Variants in ALMS1 observed in about 807,000 individuals in gnomAD.
ALMS1 encodes the protein centrosome-associated protein ALMS1.
In ALMS1, 271 loss-of-function variants were observed where a neutral mutation model predicts 352.2. That is an observed-to-expected ratio of 0.77 (90% CI 0.70 to 0.85). ALMS1 has a LOEUF of 0.85. Among genes scored for constraint, ALMS1 ranks in the 40% least tolerant of loss-of-function variants. ALMS1 has a pLI of 0.00. For synonymous variants in ALMS1, 1,865 were observed against 1,761.2 expected, an observed-to-expected ratio of 1.06 and a Z score of -1.48; for missense variants, 5,445 against 4,870.7, an observed-to-expected ratio of 1.12 and a Z score of -3.51.
Position 73,419,150 on chromosome 2 carries a change from C to T in ALMS1, c.478C>T (p.Gln160Ter), listed in dbSNP as rs1671237172. ...QKTESWHCLP[Q>*]EMDSSQTLDT... is the part of the protein sequence containing the mutation. The stretch of plus-strand genomic sequence containing the variant: ...AACAGAATCTTGGCATTGTCTTCCT[C>T]AAGAAATGGACTCTTCCCAAACCTT... Residue 160 changes from glutamine to a stop codon, truncating the protein, a stop_gained, in exon 3 of 23, where the codon CAA becomes TAA. Coordinates refer to ENST00000613296, the MANE Select transcript of ALMS1 (RefSeq NM_001378454.1). LOFTEE classifies it high-confidence loss of function. 6.2e-7 allele frequency: 1 copy of T among 1,613,874 alleles called. No individual in the cohort carries two copies. Among genetic ancestry groups the T allele is most frequent in the African/African-American group, 1.3e-5 (1 of 74,916 alleles).
chr2:73,434,726 T>C (rs1366879119), intron 7 of ALMS1, among the ~76,000 whole-genome samples: 2 of 152,228 alleles, frequency 1.3e-5, no homozygotes, highest in African/African-American at 4.8e-5. Context: ...CTCCCCTTTT[T>C]TCTCTCAGAT....
intron 7 of ALMS1, among the ~76,000 whole-genome samples, chr2:73,443,394 A>G (rs954605049): frequency 6.6e-6 from 1 of 152,028 alleles, no homozygotes; most frequent in Admixed American, 6.5e-5. Context: ...TTATATGCCC[A>G]TCTTTGCCTA....
chr2:73,389,038 T>G (rs1670591828), intron 1 of ALMS1, among the ~76,000 whole-genome samples: 1 of 152,216 alleles, frequency 6.6e-6, no homozygotes, highest in Non-Finnish European at 1.5e-5. Context: ...CCATAGGAGT[T>G]GAACAATTTA....
At chr2:73,566,747 T>C (rs1674809068) in intron 15 of ALMS1, among the ~76,000 whole-genome samples, 1 of 152,196 alleles carries the variant, frequency 6.6e-6, no homozygotes, top group Non-Finnish European at 1.5e-5. Flanking sequence ...CCACTTCAGA[T>C]ACCAATTGCA....
At position 73,602,254 on chromosome 2, in the gene ALMS1, A is replaced by G. The variant is rs1302069478; in HGVS notation, c.12184A>G (p.Ile4062Val). 3.7e-6 allele frequency: 6 copies of G among 1,614,180 alleles called. No homozygotes were observed. Among genetic ancestry groups the G allele is most frequent in the Middle Eastern group, 1.6e-4 (1 of 6,062 alleles). The stretch of plus-strand genomic sequence containing the variant: ...GGAGCGGATAAAGCGCCTGAAGTTA[A>G]TAGTCCAGGAGAGGAAGCTGCAGAG... Reference protein sequence around the residue: ...SGERIKRLKLIVQERKLQSML... With the variant: ...SGERIKRLKLVVQERKLQSML... The change falls in exon 20 of 23, where the codon ATA becomes GTA. Residue 4062 changes from isoleucine (I) to valine (V), a missense_variant. Physicochemically the swap from Ile to Val is conservative, Grantham distance 29 (BLOSUM62 3). Coordinates refer to ENST00000613296, the MANE Select transcript of ALMS1 (RefSeq NM_001378454.1).
chr2:73,543,249 AAAAC>A lies in ALMS1; in HGVS notation c.9908-7015_9908-7012del, dbSNP rs1228187155. ...TATCTGATCTTTGACAAACCTGAGA[AAAAC>A]AAGCAATGGGGAAAGGATTCCCTAT... is the stretch of plus-strand genomic sequence containing the variant. On this transcript the variant is annotated intron_variant, in intron 12 of 22. Coordinates refer to ENST00000613296, the MANE Select transcript of ALMS1 (RefSeq NM_001378454.1). Among the ~76,000 whole-genome samples the A allele has an allele frequency of 2.0e-5, 3 of 152,158 alleles. No individual in the cohort carries two copies. The South Asian group carries it at 6.2e-4, about 32-fold the overall frequency.
In ALMS1 at chr2:73,601,379, C is replaced by T. The variant is rs1460839651; in HGVS notation, c.12057C>T (p.Gly4019=). ...TGGACGGTCGGGGCTACCTGGCAGGCCCAGGCAGAGAGGCTGGCAGAGACC... is the reference window on the plus strand; with the variant it reads ...TGGACGGTCGGGGCTACCTGGCAGGTCCAGGCAGAGAGGCTGGCAGAGACC... ...QHLDGRGYLA[G]PGREAGRDLL... The change falls in exon 19 of 23, where the codon GGC becomes GGT. Residue 4019 remains glycine (G), a synonymous_variant. Transcript: ENST00000613296. The T allele has an allele frequency of 1.9e-6, 3 of 1,614,118 alleles. No homozygotes were observed. The highest frequency in any genetic ancestry group is 2.5e-6 in the Non-Finnish European group (3 of 1,179,954).
At position 73,524,780 on chromosome 2, in the gene ALMS1, G is replaced by A. The variant is rs139414595; in HGVS notation, c.9781+4764G>A. ...TTTTGGTTATTTTAAAATGTACAGTGAATTATTGACTGTAGACCCTGTTGT... is the reference window on the plus strand; with the variant it reads ...TTTTGGTTATTTTAAAATGTACAGTAAATTATTGACTGTAGACCCTGTTGT... On this transcript the variant is annotated intron_variant, in intron 11 of 22. Coordinates refer to ENST00000613296, the MANE Select transcript of ALMS1 (RefSeq NM_001378454.1). Among the ~76,000 whole-genome samples, 3 of 152,166 alleles carry A rather than the reference G, an allele frequency of 2.0e-5. No individual in the cohort carries two copies. In the East Asian group the frequency reaches 5.8e-4, roughly 29 times the overall value.
At chr2:73,441,218 A>T (rs1266634816) in intron 7 of ALMS1, among the ~76,000 whole-genome samples, 1 of 152,146 alleles carries the variant, frequency 6.6e-6, no homozygotes, top group Non-Finnish European at 1.5e-5. Context: ...GGCCCCTGCG[A>T]TGGAGAACAT....
chr2:73,486,097 C>T (rs1204105737), intron 9 of ALMS1, among the ~76,000 whole-genome samples: 1 of 151,950 alleles, frequency 6.6e-6, no homozygotes, highest in East Asian at 1.9e-4. Context: ...TGGCTCCTGT[C>T]CCTCTTTTGC....
At chr2:73,426,953 T>C (rs1671393205) in intron 6 of ALMS1, among the ~76,000 whole-genome samples, 1 of 152,262 alleles carries the variant, frequency 6.6e-6, no homozygotes, top group Non-Finnish European at 1.5e-5. Context: ...TCATCTGATA[T>C]CCAGGAATAT....
Position 73,447,955 on chromosome 2 carries a change from T to G in ALMS1, c.1433-5T>G, listed in dbSNP as rs1671839028. ...TATACTATTAACAAATCTCTTTTTC[T>G]TTAGGAGACACTTCTAAAGGAGGCA... On this transcript the variant is annotated splice_region_variant and splice_polypyrimidine_tract_variant and intron_variant, in intron 7 of 22. Transcript: ENST00000613296. 6.2e-7 allele frequency: 1 copy of G among 1,604,814 alleles called. No individual in the cohort carries two copies. The highest frequency in any genetic ancestry group is 1.7e-5 in the Admixed American group (1 of 58,950).
intron 7 of ALMS1, among the ~76,000 whole-genome samples, chr2:73,438,257 G>A (rs1327800890): frequency 6.6e-6 from 1 of 152,126 alleles, no homozygotes; most frequent in Non-Finnish European, 1.5e-5. Flanking sequence ...TAGTTGCCCT[G>A]ATTTCTTATT....
At chr2:73,545,833 G>C (rs1278755743) in intron 12 of ALMS1, among the ~76,000 whole-genome samples, 1 of 152,226 alleles carries the variant, frequency 6.6e-6, no homozygotes, top group African/African-American at 2.4e-5. Flanking sequence ...TACCCTTTAT[G>C]AACATATGAC....
chr2:73,525,438 TG>T (rs1673770736), intron 11 of ALMS1, among the ~76,000 whole-genome samples: 1 of 152,194 alleles, frequency 6.6e-6, no homozygotes, highest in African/African-American at 2.4e-5. Context: ...TGCCAACATT[TG>T]TTGTTGTATA....
intron 3 of ALMS1, among the ~76,000 whole-genome samples, chr2:73,421,609 G>A (rs555325045): frequency 1.4e-4 from 22 of 152,122 alleles, no homozygotes; most frequent in Non-Finnish European, 2.8e-4. Context: ...TTTAAGTGTA[G>A]CAGGTACTTT....
chr2:73,429,023 T>C (rs1380605586), intron 6 of ALMS1, among the ~76,000 whole-genome samples: 1 of 152,214 alleles, frequency 6.6e-6, no homozygotes, highest in Admixed American at 6.5e-5. Flanking sequence ...TCAGTTACTT[T>C]GTTAGCCTTG....
intron 12 of ALMS1, among the ~76,000 whole-genome samples, chr2:73,537,500 G>T (rs565413401): frequency 2.0e-5 from 3 of 152,290 alleles, no homozygotes; most frequent in African/African-American, 7.2e-5. Context: ...ATGAAGGCCG[G>T]GAGATTTATT....
intron 6 of ALMS1, among the ~76,000 whole-genome samples, chr2:73,429,366 C>T (rs1159263919): frequency 6.6e-6 from 1 of 150,766 alleles, no homozygotes; most frequent in East Asian, 2.0e-4. Flanking sequence ...ACTGCAACCT[C>T]CATCTCCTGG....
Sources: allele counts gnomAD v4.1 joint callset (sites outside exome capture counted in the v4.1 genomes callset), GRCh38; gene constraint gnomAD v4.1.1; transcripts MANE v1.5; gene names NCBI Gene and HGNC (gene_info 2026-07-23, HGNC 2026-07-21).